Variants in CERT1 observed in about 807,000 individuals in gnomAD.
CERT1 encodes the protein ceramide transfer protein.
CERT1 carries 31 observed loss-of-function variants against 87.9 expected under a neutral mutation model. That is an observed-to-expected ratio of 0.35 (90% CI 0.27 to 0.48). The LOEUF is 0.48. Among genes scored for constraint, CERT1 ranks in the 20% least tolerant of loss-of-function variants. CERT1 has a pLI of 0.99. For synonymous variants in CERT1, 289 were observed against 250.9 expected, an observed-to-expected ratio of 1.15 and a Z score of -1.44; for missense variants, 487 against 758.0, an observed-to-expected ratio of 0.64 and a Z score of 4.20.
chr5:75,406,563 T>TG (rs1163972134), intron 8 of CERT1, among the ~76,000 whole-genome samples: 6 of 150,368 alleles, frequency 4.0e-5, no homozygotes, highest in African/African-American at 1.2e-4. Flanking sequence ...TTTTTTGAGA[T>TG]GGAGTCTCAG....
chr5:75,410,348 G>A (rs184138876), intron 8 of CERT1, among the ~76,000 whole-genome samples: 9 of 152,104 alleles, frequency 5.9e-5, no homozygotes, highest in Admixed American at 5.2e-4. Context: ...GGTGGCTCAC[G>A]CCTGTAATGC....
intron 4 of CERT1, among the ~76,000 whole-genome samples, chr5:75,425,793 A>T (rs1317121010): frequency 5.3e-5 from 8 of 152,246 alleles, no homozygotes. Context: ...GTTTGCAAAT[A>T]TAACATTTGG....
chr5:75,506,711 C>T (rs539411822), intron 1 of CERT1, among the ~76,000 whole-genome samples: 2 of 152,172 alleles, frequency 1.3e-5, no homozygotes, highest in South Asian at 4.1e-4. Flanking sequence ...CTCTACAGAA[C>T]TGAATAATAT....
At position 75,511,460 on chromosome 5, in the gene CERT1, C is replaced by T. The variant is rs572714797; in HGVS notation, c.-253G>A. 6 of 1,529,596 alleles carry T rather than the reference C, an allele frequency of 3.9e-6. No homozygotes were observed. In the East Asian group the frequency reaches 9.8e-5, roughly 25 times the overall value. The allele number at this position is 1,529,596 out of a possible 1,614,324, so 94.8% of individuals were successfully genotyped here. A position where few individuals can be genotyped will look rare whatever the true frequency, so the allele number is the denominator to read the frequency against. On this transcript the variant is annotated 5_prime_UTR_variant, in exon 1 of 17. Coordinates refer to ENST00000643780, the MANE Select transcript of CERT1 (RefSeq NM_001379029.1). The stretch of plus-strand genomic sequence containing the variant: ...AGCCGTCAGCCGCCGCCGCCGTCGC[C>T]GTGACCCCTGCGTTGCGCCCGGCGC...
chr5:75,485,137 T>A (rs972690403), intron 2 of CERT1, among the ~76,000 whole-genome samples: 1 of 151,768 alleles, frequency 6.6e-6, no homozygotes, highest in Non-Finnish European at 1.5e-5. Flanking sequence ...AAACAATTTT[T>A]TTGAAACAAA....
At chr5:75,476,876 A>G (rs115796819) in intron 2 of CERT1, among the ~76,000 whole-genome samples, 184 of 152,302 alleles carry the variant, frequency 1.2e-3, no homozygotes, top group African/African-American at 4.3e-3. Context: ...CACATTCAAA[A>G]GTCAAGGGGA....
chr5:75,393,973 A>G (rs1561230080), intron 11 of CERT1, among the ~76,000 whole-genome samples: 1 of 152,058 alleles, frequency 6.6e-6, no homozygotes, highest in Non-Finnish European at 1.5e-5. Context: ...TCAAAAAAGG[A>G]AATACAACTA....
At chr5:75,390,133 A>AT (rs1491421889) in intron 11 of CERT1, among the ~76,000 whole-genome samples, 2 of 152,200 alleles carry the variant, frequency 1.3e-5, no homozygotes, top group African/African-American at 4.8e-5. Flanking sequence ...GAACAAAGAC[A>AT]TAGAGAGAGA....
At chr5:75,449,963 G>A (rs1764710399) in intron 3 of CERT1, among the ~76,000 whole-genome samples, 1 of 151,888 alleles carries the variant, frequency 6.6e-6, no homozygotes, top group African/African-American at 2.4e-5. Flanking sequence ...TCTCTTCATT[G>A]GTTGCATTAG....
chr5:75,477,988 A>T (rs893187694), intron 2 of CERT1, among the ~76,000 whole-genome samples: 2 of 152,028 alleles, frequency 1.3e-5, no homozygotes, highest in African/African-American at 4.8e-5. Flanking sequence ...CTTAAAAGAT[A>T]AAAAAAGGCA....
intron 9 of CERT1, chr5:75,400,595 A>G (rs977591977): frequency 1.6e-5 from 4 of 248,844 alleles, no homozygotes; most frequent in African/African-American, 8.9e-5. Flanking sequence ...TCATGGGTCA[A>G]TCTTAACGCT....
intron 8 of CERT1, among the ~76,000 whole-genome samples, chr5:75,404,837 T>C (rs1762641260): frequency 6.6e-6 from 1 of 152,210 alleles, no homozygotes; most frequent in African/African-American, 2.4e-5. Context: ...GACGAAAACC[T>C]GTCTCTATCA....
intron 8 of CERT1, chr5:75,410,768 C>T (rs1013388007): frequency 1.5e-5 from 4 of 265,638 alleles, no homozygotes; most frequent in Non-Finnish European, 2.1e-5. Context: ...AAAAATTTGT[C>T]CTATCAAGTG....
chr5:75,384,235 T>G (rs1265640751), intron 14 of CERT1, among the ~76,000 whole-genome samples: 3 of 152,198 alleles, frequency 2.0e-5, no homozygotes, highest in Non-Finnish European at 4.4e-5. Context: ...TTTCTAGACT[T>G]AAACTGTGTA....
intron 8 of CERT1, among the ~76,000 whole-genome samples, chr5:75,404,939 G>A (rs753434750): frequency 2.0e-5 from 3 of 151,960 alleles, no homozygotes; most frequent in Admixed American, 1.3e-4. Flanking sequence ...CCTGGGAGGC[G>A]GAAGTTGCAG....
intron 1 of CERT1, 77 bp downstream of exon 1, chr5:75,511,035 C>T: frequency 6.9e-7 from 1 of 1,447,984 alleles, no homozygotes; most frequent in Non-Finnish European, 9.1e-7. Flanking sequence ...CCCGCCAGCC[C>T]CACCCCACCG....
chr5:75,398,475 G>A (rs565690348), intron 11 of CERT1, among the ~76,000 whole-genome samples: 11 of 152,060 alleles, frequency 7.2e-5, no homozygotes, highest in Non-Finnish European at 1.5e-4. Context: ...CCTAACCAGG[G>A]TTTAAACTGA....
intron 3 of CERT1, among the ~76,000 whole-genome samples, chr5:75,437,058 T>TTACAG (rs1329974106): frequency 6.6e-6 from 1 of 152,174 alleles, no homozygotes; most frequent in Non-Finnish European, 1.5e-5. Context: ...AGTCCTGGGA[T>TTACAG]TACAGGCAGG....
At chr5:75,453,675 A>G (rs974730495) in intron 3 of CERT1, among the ~76,000 whole-genome samples, 2 of 152,152 alleles carry the variant, frequency 1.3e-5, no homozygotes, top group African/African-American at 2.4e-5. Flanking sequence ...GAAAGTGAGG[A>G]AAAAAATGAG....
Sources: allele counts gnomAD v4.1 joint callset (sites outside exome capture counted in the v4.1 genomes callset), GRCh38; gene constraint gnomAD v4.1.1; transcripts MANE v1.5; gene names NCBI Gene and HGNC (gene_info 2026-07-23, HGNC 2026-07-21).